The following CLTC variants were observed in gnomAD, a reference collection of about 807,000 sequenced individuals.
CLTC encodes the protein clathrin heavy chain 1.
Under a neutral mutation model 195.8 loss-of-function variants are expected in CLTC, and 16 were observed. That is an observed-to-expected ratio of 0.08 (90% CI 0.06 to 0.12). The LOEUF (loss-of-function observed/expected upper bound fraction) is 0.12, where lower values mean the gene tolerates loss of function less well. Ranked by LOEUF, CLTC falls within the 10% of genes least tolerant of loss-of-function variation. The probability of loss-of-function intolerance (pLI) is 1.00; values close to 1 mark genes in which losing one functional copy is unlikely to be tolerated. For missense variants in CLTC, 796 were observed against 2,027.0 expected (o/e 0.39, Z 11.66); for synonymous variants, 667 against 689.4 (o/e 0.97, Z 0.51).
intron 6 of CLTC, among the ~76,000 whole-genome samples, chr17:59,659,370 T>C (rs1445357017): frequency 6.6e-6 from 1 of 151,968 alleles, no homozygotes; most frequent in East Asian, 1.9e-4. Flanking sequence ...GGTTTGAGGG[T>C]AGGTAATTTT....
Position 59,666,666 on chromosome 17 carries a change from T to C in CLTC, c.1947+22T>C. 1.2e-6 allele frequency: 2 copies of C among 1,600,982 alleles called. No homozygotes were observed. Among genetic ancestry groups the C allele is most frequent in the East Asian group, 2.2e-5 (1 of 44,718 alleles). ...TGAGGTATTTCAGTTTCTTACCTAA[T>C]AGATGGTGTTAGTTGTGATTAATAG... On this transcript the variant is annotated intron_variant, in intron 12 of 31. Coordinates refer to ENST00000269122, the MANE Select transcript of CLTC (RefSeq NM_004859.4). This position sits in a 1 kb window ranked among gnomAD's most constrained non-coding sequence, Gnocchi z 4.9.
intron 30 of CLTC, 91 bp from the exon 31 acceptor site, chr17:59,690,545 T>C: frequency 3.6e-6 from 3 of 826,808 alleles, no homozygotes; most frequent in Non-Finnish European, 5.9e-6. Context: ...TTTGACAGAA[T>C]TTAACATACT....
chr17:59,693,617 G>A (rs2033358773), intron 31 of CLTC, 111 bp from the exon 32 acceptor site: 3 of 1,276,992 alleles, frequency 2.3e-6, no homozygotes, highest in Admixed American at 2.6e-5. Context: ...ACTCATTTGA[G>A]GTTGAGATTA....
chr17:59,622,995 T>TA (rs2031431447), intron 1 of CLTC, among the ~76,000 whole-genome samples: 1 of 152,214 alleles, frequency 6.6e-6, no homozygotes, highest in Non-Finnish European at 1.5e-5. Flanking sequence ...TTGAGCAAGA[T>TA]ACTGTTGGAA....
chr17:59,645,767 A>G (rs1242465965), intron 2 of CLTC, among the ~76,000 whole-genome samples: 1 of 152,196 alleles, frequency 6.6e-6, no homozygotes, highest in African/African-American at 2.4e-5. Context: ...AACTCATCTC[A>G]TCTCGAGGAA....
At chr17:59,660,679 C>T (rs766543509) in intron 7 of CLTC, 91 bp downstream of exon 7, 39 of 1,263,516 alleles carry the variant, frequency 3.1e-5, no homozygotes, top group Middle Eastern at 3.8e-4. Flanking sequence ...CAGCTTCCTA[C>T]AGATAAACTG....
At chr17:59,654,566 C>T (rs142039391) in intron 5 of CLTC, among the ~76,000 whole-genome samples, 2,861 of 151,996 alleles carry the variant, frequency 0.019, 80 homozygotes, top group African/African-American at 0.058. Context: ...CTGCAACCTC[C>T]GCCTCCGGGG....
Position 59,620,315 on chromosome 17 carries a change from T to G in CLTC, c.42+142T>G. The G allele has an allele frequency of 3.9e-6, 3 of 769,718 alleles. No homozygotes were observed. In the South Asian group the frequency reaches 4.6e-5, roughly 12 times the overall value. 47.7% of individuals were successfully genotyped at this position (769,718 alleles called of 1,614,324 possible). On this transcript the variant is annotated intron_variant, in intron 1 of 31. Coordinates refer to ENST00000269122, the MANE Select transcript of CLTC (RefSeq NM_004859.4). ...TTGGGGTAGGTGGAGGAGGGGGCAC[T>G]ATCTTGGAAAGCTTAAAATATTAAA...
chr17:59,654,770 T>G (rs1006188939), intron 5 of CLTC, among the ~76,000 whole-genome samples: 1 of 152,268 alleles, frequency 6.6e-6, no homozygotes, highest in African/African-American at 2.4e-5. Flanking sequence ...CATTAGCCAC[T>G]GCACTTGGCC....
Position 59,674,779 on chromosome 17 carries a change from A to C in CLTC, c.2497A>C (p.Ile833Leu). The change falls in exon 16 of 32, where the codon ATT becomes CTT. Residue 833 changes from isoleucine to leucine, a missense_variant. This residue lies in a region of CLTC where 160 missense variants were observed against 448.2 expected (regional missense o/e 0.36). Coordinates refer to ENST00000269122, the MANE Select transcript of CLTC (RefSeq NM_004859.4). ...DCSEDVIKNL[I>L]LVVRGQFSTD... ...TTCTGAAGATGTCATAAAAAACTTGATTCTTGTTGTAAGAGGTCAATTCTC... is the reference window on the plus strand; with the variant it reads ...TTCTGAAGATGTCATAAAAAACTTGCTTCTTGTTGTAAGAGGTCAATTCTC... 6.2e-7 allele frequency: 1 copy of C among 1,613,552 alleles called. No homozygotes were observed. The highest frequency in any genetic ancestry group is 1.7e-5 in the Admixed American group (1 of 59,988).
At chr17:59,686,737 G>C (rs2033193136) in intron 30 of CLTC, among the ~76,000 whole-genome samples, 1 of 152,190 alleles carries the variant, frequency 6.6e-6, no homozygotes, top group Non-Finnish European at 1.5e-5. Context: ...CTGTCTTTAA[G>C]CTGCTGTTAA....
chr17:59,631,584 A>G lies in CLTC; in HGVS notation c.42+11411A>G, dbSNP rs78704812. 1.3e-3 allele frequency among the ~76,000 whole-genome samples: 197 copies of G among 152,356 alleles called. 1 individual carries two copies. The highest frequency in any genetic ancestry group is 2.5e-3 in the Non-Finnish European group (168 of 68,030). Reference sequence around the variant, plus strand: ...TAATAACAGAAAACATACATAAACAATTGGTTCTGAAATCAGTTAAGAGCA... The same window carrying G: ...TAATAACAGAAAACATACATAAACAGTTGGTTCTGAAATCAGTTAAGAGCA... On this transcript the variant is annotated intron_variant, in intron 1 of 31. Transcript: ENST00000269122.
At chr17:59,693,049 G>T (rs1478165938) in intron 31 of CLTC, among the ~76,000 whole-genome samples, 1 of 152,172 alleles carries the variant, frequency 6.6e-6, no homozygotes, top group Non-Finnish European at 1.5e-5. Context: ...AAATTTAAAT[G>T]TAACTCTAAA....
Position 59,694,348 on chromosome 17 carries a change from T to C in CLTC, c.*496T>C, listed in dbSNP as rs895325284. 3 of 223,732 alleles carry C rather than the reference T, an allele frequency of 1.3e-5. No individual in the cohort carries two copies. The highest frequency in any genetic ancestry group is 6.7e-5 in the African/African-American group (3 of 44,782). 13.9% of individuals were successfully genotyped at this position (223,732 alleles called of 1,614,324 possible). A position where few individuals can be genotyped will look rare whatever the true frequency, so the allele number is the denominator to read the frequency against. On this transcript the variant is annotated 3_prime_UTR_variant, in exon 32 of 32. Transcript: ENST00000269122. ...TCAGTGCCAACAAAGACAACACTAATCAGCACATCGTACACTGGATTGCAG... is the reference window on the plus strand; with the variant it reads ...TCAGTGCCAACAAAGACAACACTAACCAGCACATCGTACACTGGATTGCAG...
intron 5 of CLTC, among the ~76,000 whole-genome samples, chr17:59,655,196 T>C (rs2032434847): frequency 6.6e-6 from 1 of 152,214 alleles, no homozygotes; most frequent in South Asian, 2.1e-4. Context: ...GTAGAACACA[T>C]AGAGGCAATT....
chr17:59,666,450 A>G lies in CLTC; in HGVS notation c.1783-30A>G, dbSNP rs1182407861. 3 of 1,606,568 alleles carry G rather than the reference A, an allele frequency of 1.9e-6. No individual in the cohort carries two copies. Among genetic ancestry groups the G allele is most frequent in the East Asian group, 2.2e-5 (1 of 44,782 alleles). On this transcript the variant is annotated intron_variant, in intron 11 of 31. Transcript: ENST00000269122. This position sits in a 1 kb window ranked among gnomAD's most constrained non-coding sequence, Gnocchi z 4.9. ...AATTACTCATGTAAGTGGAGTGGAC[A>G]ATAAACTTGCCTTGTTTGTGGTTTT...
Position 59,666,395 on chromosome 17 carries a change from A to C in CLTC, c.1783-85A>C, listed in dbSNP as rs2032733326. On this transcript the variant is annotated intron_variant, in intron 11 of 31. Coordinates refer to ENST00000269122, the MANE Select transcript of CLTC (RefSeq NM_004859.4). The surrounding 1 kb of genome is among the most constrained non-coding windows in gnomAD (Gnocchi z 4.9). The stretch of plus-strand genomic sequence containing the variant: ...TTCTTTTGTACTTTAACAGTTCACT[A>C]TTAAACCTTAATCTGTAATACGGAT... The C allele has an allele frequency of 2.0e-6, 3 of 1,515,448 alleles. No homozygotes were observed. Among genetic ancestry groups the C allele is most frequent in the Non-Finnish European group, 2.7e-6 (3 of 1,111,070 alleles). 93.9% of individuals were successfully genotyped at this position (1,515,448 alleles called of 1,614,324 possible). A position where few individuals can be genotyped will look rare whatever the true frequency, so the allele number is the denominator to read the frequency against.
At chr17:59,625,079 A>G (rs1434762826) in intron 1 of CLTC, among the ~76,000 whole-genome samples, 1 of 151,946 alleles carries the variant, frequency 6.6e-6, no homozygotes, top group Non-Finnish European at 1.5e-5. Context: ...ATTCTTTTTC[A>G]TACTAAATTT....
chr17:59,684,812 AAAAG>A (rs1295958716), intron 28 of CLTC, among the ~76,000 whole-genome samples: 1 of 151,366 alleles, frequency 6.6e-6, no homozygotes. Flanking sequence ...ATCTCAAAAA[AAAAG>A]AAAAAAATCT....
Sources: allele counts gnomAD v4.1 joint callset (sites outside exome capture counted in the v4.1 genomes callset), GRCh38; gene constraint gnomAD v4.1.1; regional missense constraint gnomAD v4.1.1; non-coding constraint Gnocchi (gnomAD v3.1); transcripts MANE v1.5; gene names NCBI Gene and HGNC (gene_info 2026-07-23, HGNC 2026-07-21).